The following AGAP1 variants were observed in gnomAD, a reference collection of about 807,000 sequenced individuals.
AGAP1 encodes the protein arf-GAP with GTPase, ANK repeat and PH domain-containing protein 1.
A neutral mutation model predicts 105.3 loss-of-function variants in AGAP1; 29 were observed. That is an observed-to-expected ratio of 0.28 (90% CI 0.21 to 0.38). The LOEUF is 0.38. Among genes scored for constraint, AGAP1 ranks in the 10% least tolerant of loss-of-function variants. AGAP1 has a pLI of 1.00. For synonymous variants in AGAP1, 509 were observed against 485.9 expected, an observed-to-expected ratio of 1.05 and a Z score of -0.63; for missense variants, 998 against 1,165.1, an observed-to-expected ratio of 0.86 and a Z score of 2.09.
Position 235,625,233 on chromosome 2 carries a change from A to G in AGAP1, c.164-83946A>G, listed in dbSNP as rs888600552. 6.6e-5 allele frequency among the ~76,000 whole-genome samples: 10 copies of G among 152,166 alleles called. No individual in the cohort carries two copies. Among genetic ancestry groups the G allele is most frequent in the Non-Finnish European group, 1.5e-4 (10 of 68,046 alleles). On this transcript the variant is annotated intron_variant, in intron 1 of 17. Coordinates refer to ENST00000304032, the MANE Select transcript of AGAP1 (RefSeq NM_001037131.3). This position sits in a 1 kb window ranked among gnomAD's most constrained non-coding sequence, Gnocchi z 4.0. ...CTCTGACTCCAGCAGTCCCCTCTGCACATGCCTGAACTGCTTCAGGGCACC... is the reference window on the plus strand; with the variant it reads ...CTCTGACTCCAGCAGTCCCCTCTGCGCATGCCTGAACTGCTTCAGGGCACC...
chr2:235,677,533 G>C (rs1948806475), intron 1 of AGAP1, among the ~76,000 whole-genome samples: 1 of 152,144 alleles, frequency 6.6e-6, no homozygotes, highest in African/African-American at 2.4e-5. Flanking sequence ...GTGATCGTTA[G>C]GTCCAAGATT....
intron 1 of AGAP1, among the ~76,000 whole-genome samples, chr2:235,527,577 C>T (rs1302077082): frequency 6.6e-6 from 1 of 152,060 alleles, no homozygotes; most frequent in Non-Finnish European, 1.5e-5. Context: ...TTTGTAGAGA[C>T]GAGGTCTCGC....
At chr2:235,571,512 G>A (rs1944513440) in intron 1 of AGAP1, among the ~76,000 whole-genome samples, 1 of 152,160 alleles carries the variant, frequency 6.6e-6, no homozygotes. Context: ...TTTCTGTCAC[G>A]GCTGAGAGGT....
At chr2:235,743,772 CG>C (rs1952725990) in intron 4 of AGAP1, among the ~76,000 whole-genome samples, 1 of 152,100 alleles carries the variant, frequency 6.6e-6, no homozygotes, top group South Asian at 2.1e-4. Flanking sequence ...GGAAAGCAGA[CG>C]GGATGGATTT....
chr2:235,890,067 A>G (rs1246068034), intron 10 of AGAP1, among the ~76,000 whole-genome samples: 1 of 151,416 alleles, frequency 6.6e-6, no homozygotes, highest in African/African-American at 2.4e-5. Context: ...CTGCCTCAGG[A>G]TGATGGGGTC....
Position 236,051,288 on chromosome 2 carries a change from G to GA in AGAP1, c.2114+2011dup, listed in dbSNP as rs1038206002. ...TTTCCTGGGGAGTTTTGTTTTCAGT[G>GA]AAAATCAGCAAATAATCATTGCACA... On this transcript the variant is annotated intron_variant, in intron 16 of 17. Transcript: ENST00000304032. This position sits in a 1 kb window ranked among gnomAD's most constrained non-coding sequence, Gnocchi z 5.9. Among the ~76,000 whole-genome samples the GA allele has an allele frequency of 2.4e-4, 36 of 152,198 alleles. No individual in the cohort carries two copies. The highest frequency in any genetic ancestry group is 8.4e-4 in the African/African-American group (35 of 41,448).
At chr2:235,828,517 C>A (rs1378370438) in intron 9 of AGAP1, among the ~76,000 whole-genome samples, 1 of 152,108 alleles carries the variant, frequency 6.6e-6, no homozygotes, top group Non-Finnish European at 1.5e-5. Context: ...CCACGAGTCA[C>A]GTTTGTTCTA....
rs2056052626 is a variant in AGAP1 at position 236,000,119 on chromosome 2, A to C, written c.1645+31496A>C. 6.6e-6 allele frequency among the ~76,000 whole-genome samples: 1 copy of C among 152,026 alleles called. No individual in the cohort carries two copies. The highest frequency in any genetic ancestry group is 1.5e-5 in the Non-Finnish European group (1 of 68,016). Reference sequence around the variant, plus strand: ...TGCAGCATCCATCGGGAGGACACACACCCCTGCAGGCCAGCTTTTGTCTCA... The same window carrying C: ...TGCAGCATCCATCGGGAGGACACACCCCCCTGCAGGCCAGCTTTTGTCTCA... On this transcript the variant is annotated intron_variant, in intron 13 of 17. Coordinates refer to ENST00000304032, the MANE Select transcript of AGAP1 (RefSeq NM_001037131.3). The surrounding 1 kb of genome is among the most constrained non-coding windows in gnomAD (Gnocchi z 4.3).
At chr2:235,543,421 G>A (rs1051129217) in intron 1 of AGAP1, among the ~76,000 whole-genome samples, 9 of 152,186 alleles carry the variant, frequency 5.9e-5, no homozygotes. Context: ...CTGTGTCCCC[G>A]TGTACGGGGA....
Position 235,716,635 on chromosome 2 carries a change from C to G in AGAP1, c.223-922C>G, listed in dbSNP as rs889990778. Among the ~76,000 whole-genome samples the G allele has an allele frequency of 6.6e-6, 1 of 152,064 alleles. No individual in the cohort carries two copies. The highest frequency in any genetic ancestry group is 2.4e-5 in the African/African-American group (1 of 41,400). On this transcript the variant is annotated intron_variant, in intron 2 of 17. Transcript: ENST00000304032. This position sits in a 1 kb window ranked among gnomAD's most constrained non-coding sequence, Gnocchi z 4.0. The stretch of plus-strand genomic sequence containing the variant: ...CTTAAATTTGATCACTAGCGATGTT[C>G]TAGTGGGGGAGGAAAAGGTTAAAAT...
In AGAP1 at chr2:235,874,194, G is replaced by C. The variant is rs1174158129; in HGVS notation, c.1051-9151G>C. On this transcript the variant is annotated intron_variant, in intron 9 of 17. Transcript: ENST00000304032. The surrounding 1 kb of genome is among the most constrained non-coding windows in gnomAD (Gnocchi z 4.5). ...GCCTCCCAAGTAGCTAGGTCTACAGGCGCACACCACCATGCCCAGCTAATT... is the reference window on the plus strand; with the variant it reads ...GCCTCCCAAGTAGCTAGGTCTACAGCCGCACACCACCATGCCCAGCTAATT... Among the ~76,000 whole-genome samples the C allele has an allele frequency of 1.3e-5, 2 of 152,052 alleles. No homozygotes were observed. The highest frequency in any genetic ancestry group is 2.1e-4 in the South Asian group (1 of 4,822).
chr2:235,681,803 T>C (rs1949085749), intron 1 of AGAP1, among the ~76,000 whole-genome samples: 1 of 151,378 alleles, frequency 6.6e-6, no homozygotes, highest in African/African-American at 2.4e-5. Flanking sequence ...GTTTTTCACG[T>C]GTGTATACCT....
chr2:235,856,284 G>A (rs1388776951), intron 9 of AGAP1, among the ~76,000 whole-genome samples: 1 of 152,122 alleles, frequency 6.6e-6, no homozygotes, highest in Non-Finnish European at 1.5e-5. Context: ...GTTTGTTCTT[G>A]TACCCAGTGA....
intron 13 of AGAP1, among the ~76,000 whole-genome samples, chr2:236,018,534 A>G (rs1345202237): frequency 6.6e-6 from 1 of 152,226 alleles, no homozygotes; most frequent in Non-Finnish European, 1.5e-5. Flanking sequence ...AGTTGGGTGA[A>G]CACATGGGCT....
At chr2:235,999,597 G>A (rs1342604684) in intron 13 of AGAP1, among the ~76,000 whole-genome samples, 1 of 150,180 alleles carries the variant, frequency 6.7e-6, no homozygotes, top group Non-Finnish European at 1.5e-5. Flanking sequence ...TGATGATGGT[G>A]AGAGGTGGTG....
intron 1 of AGAP1, among the ~76,000 whole-genome samples, chr2:235,640,917 G>C (rs1197306590): frequency 1.3e-5 from 2 of 152,174 alleles, no homozygotes; most frequent in Non-Finnish European, 2.9e-5. Context: ...AGGTGGGCTG[G>C]CAAGCAGTGC....
At position 235,549,946 on chromosome 2, in the gene AGAP1, T is replaced by G. The variant is rs1236281761; in HGVS notation, c.163+55097T>G. Among the ~76,000 whole-genome samples, 5 of 152,182 alleles carry G rather than the reference T, an allele frequency of 3.3e-5. No homozygotes were observed. The highest frequency in any genetic ancestry group is 7.3e-5 in the Non-Finnish European group (5 of 68,032). ...GGATGACCACAGGTGTGAAGCTGTC[T>G]TCAGTGGTGGGGGAACCACCTGGGC... is the stretch of plus-strand genomic sequence containing the variant. On this transcript the variant is annotated intron_variant, in intron 1 of 17. Coordinates refer to ENST00000304032, the MANE Select transcript of AGAP1 (RefSeq NM_001037131.3). This position sits in a 1 kb window ranked among gnomAD's most constrained non-coding sequence, Gnocchi z 4.2.
intron 9 of AGAP1, among the ~76,000 whole-genome samples, chr2:235,868,406 T>C (rs569832022): frequency 2.0e-5 from 3 of 152,246 alleles, no homozygotes; most frequent in South Asian, 4.2e-4. Context: ...TTAAAGCCGA[T>C]GAGGAATGCT....
At chr2:235,617,774 A>G (rs1283190725) in intron 1 of AGAP1, among the ~76,000 whole-genome samples, 1 of 152,220 alleles carries the variant, frequency 6.6e-6, no homozygotes, top group African/African-American at 2.4e-5. Context: ...TTTGGATAGA[A>G]ACATGTCTTG....
Sources: gnomAD v4.1 joint callset for allele counts (sites outside exome capture counted in the v4.1 genomes callset) on GRCh38, gnomAD v4.1.1 for gene constraint, Gnocchi (gnomAD v3.1) non-coding constraint, MANE v1.5 for transcripts, NCBI Gene and HGNC (gene_info 2026-07-23, HGNC 2026-07-21) for gene names.